The following SLFN13 variants were observed in gnomAD, a reference collection of about 807,000 sequenced individuals.
SLFN13 encodes schlafen-13.
SLFN13 carries 43 observed loss-of-function variants against 50.6 expected under a neutral mutation model. The ratio of observed to expected loss-of-function variants is 0.85; its 90% confidence interval spans 0.67 to 1.09. The LOEUF is 1.09. SLFN13 is among the 50% of genes least tolerant of loss of function. The probability of loss-of-function intolerance (pLI) is 0.00; values close to 1 mark genes in which losing one functional copy is unlikely to be tolerated. For synonymous variants in SLFN13, 339 were observed against 386.5 expected (o/e 0.88, Z 1.44); for missense variants, 881 against 1,071.1 (o/e 0.82, Z 2.48).
At position 35,445,483 on chromosome 17, in the gene SLFN13, G is replaced by C. The variant is rs755787824; in HGVS notation, c.198C>G (p.Ala66=). ...SGGGVIQMEM[A]NRDERPTEMG... Reference sequence around the variant, plus strand: ...TCTCTGTGGGACGCTCATCCCTGTTGGCCATTTCCATCTGAATCACTCCTC... The same window carrying C: ...TCTCTGTGGGACGCTCATCCCTGTTCGCCATTTCCATCTGAATCACTCCTC... The change falls in exon 3 of 6, where the codon GCC becomes GCG. Residue 66 remains alanine (A), a synonymous_variant. Transcript: ENST00000285013. The C allele has an allele frequency of 6.2e-7, 1 of 1,614,102 alleles. No homozygotes were observed. Among genetic ancestry groups the C allele is most frequent in the South Asian group, 1.1e-5 (1 of 91,078 alleles).
chr17:35,446,145 A>C (rs1913205055), intron 2 of SLFN13: 1 of 153,210 alleles, frequency 6.5e-6, no homozygotes, highest in Non-Finnish European at 1.5e-5. Context: ...GAAGATAAGT[A>C]AAAGAAGACC....
Position 35,441,086 on chromosome 17 carries a change from C to T in SLFN13, c.2203G>A (p.Asp735Asn), listed in dbSNP as rs1165467177. 2 of 1,613,914 alleles carry T rather than the reference C, an allele frequency of 1.2e-6. No individual in the cohort carries two copies. Among genetic ancestry groups the T allele is most frequent in the Non-Finnish European group, 1.7e-6 (2 of 1,180,016 alleles). ...TGTTGTATGTACTCGGCTATTTCATCTGCATTGCGAACTACTCTGGTGAGC... is the reference window on the plus strand; with the variant it reads ...TGTTGTATGTACTCGGCTATTTCATTTGCATTGCGAACTACTCTGGTGAGC... ...EELTRVVRNA[D>N]EIAEYIQQEM... is the part of the protein sequence containing the mutation. Residue 735 changes from aspartate to asparagine, a missense_variant, in exon 6 of 6, where the codon GAT becomes AAT. This residue lies in a region of SLFN13 where 322 missense variants were observed against 327.4 expected (regional missense o/e 0.98). Coordinates refer to ENST00000285013, the MANE Select transcript of SLFN13 (RefSeq NM_144682.6).
chr17:35,445,342 A>G lies in SLFN13; in HGVS notation c.339T>C (p.Ser113=). 6.2e-7 allele frequency: 1 copy of G among 1,613,666 alleles called. No homozygotes were observed. The highest frequency in any genetic ancestry group is 8.5e-7 in the Non-Finnish European group (1 of 1,179,938). Residue 113 remains serine (S), a synonymous_variant, in exon 3 of 6, where the codon AGT becomes AGC. Transcript: ENST00000285013. ...RCFYIFVKSW[S]GDPFLKDGSF... ...AACCATCTTTAAGGAAAGGATCACCACTCCAAGATTTAACAAAAATATAAA... is the reference window on the plus strand; with the variant it reads ...AACCATCTTTAAGGAAAGGATCACCGCTCCAAGATTTAACAAAAATATAAA...
chr17:35,438,237 C>T lies in SLFN13; in HGVS notation c.*2358G>A, dbSNP rs1270502073. On this transcript the variant is annotated 3_prime_UTR_variant, in exon 6 of 6. Transcript: ENST00000285013. ...CCATTTAATCATTTATTTTACAGAACCTTTTTTTTCAGTTTAATGAAACAC... is the reference window on the plus strand; with the variant it reads ...CCATTTAATCATTTATTTTACAGAATCTTTTTTTTCAGTTTAATGAAACAC... The T allele has an allele frequency of 6.6e-6, 1 of 151,810 alleles. No individual in the cohort carries two copies. The highest frequency in any genetic ancestry group is 1.5e-5 in the Non-Finnish European group (1 of 67,978). 9.4% of individuals were successfully genotyped at this position (151,810 alleles called of 1,614,324 possible).
In SLFN13 at chr17:35,435,677, G is replaced by A. The variant is rs539479217; in HGVS notation, c.*4918C>T. ...AGAGTCCTTATTATGAATGGATGTT[G>A]AACTTTATCAAAAGCTTTTTCCTCT... On this transcript the variant is annotated 3_prime_UTR_variant, in exon 6 of 6. Coordinates refer to ENST00000285013, the MANE Select transcript of SLFN13 (RefSeq NM_144682.6). 5.3e-5 allele frequency: 8 copies of A among 152,060 alleles called. No homozygotes were observed. Among genetic ancestry groups the A allele is most frequent in the Non-Finnish European group, 1.2e-4 (8 of 68,002 alleles). The allele number at this position is 152,060 out of a possible 1,614,324, so 9.4% of individuals were successfully genotyped here. A position where few individuals can be genotyped will look rare whatever the true frequency, so the allele number is the denominator to read the frequency against.
upstream of SLFN13, among the ~76,000 whole-genome samples, chr17:35,449,587 C>T (rs530440758): frequency 6.6e-6 from 1 of 152,338 alleles, no homozygotes; most frequent in South Asian, 2.1e-4. Flanking sequence ...TTTGTGGCTC[C>T]GCAGACCCCG....
At chr17:35,448,998 A>C (rs989676194), upstream of SLFN13, among the ~76,000 whole-genome samples, 54 of 152,040 alleles carry the variant, frequency 3.6e-4, 1 homozygote, top group Non-Finnish European at 5.6e-4. Flanking sequence ...CGCTTGAGCC[A>C]AGAAGTTCGA....
At position 35,447,661 on chromosome 17, in the gene SLFN13, T is replaced by C. The variant is rs141335992; in HGVS notation, c.-160-247A>G. Among the ~76,000 whole-genome samples, 520 of 152,284 alleles carry C rather than the reference T, an allele frequency of 3.4e-3. 7 individuals are homozygous for C. In the East Asian group the frequency reaches 0.047, roughly 14 times the overall value. On this transcript the variant is annotated intron_variant, in intron 1 of 5. Transcript: ENST00000285013. ...CTGAGGAAAACTGGTGGGGACTGGC[T>C]AGTCTCAGGCAGAAACAGAAGGAAA...
In SLFN13 at chr17:35,441,118, C is replaced by T; in HGVS notation, c.2171G>A (p.Arg724Lys). The change falls in exon 6 of 6, where the codon AGA becomes AAA. Residue 724 changes from arginine (R) to lysine (K), a missense_variant. Transcript: ENST00000285013. ...GLPPLSAQYP[R>K]EELTRVVRNA... Reference sequence around the variant, plus strand: ...GCGAACTACTCTGGTGAGCTCTTCTCTTGGATACTGTGCTGAGAGAGGGGG... The same window carrying T: ...GCGAACTACTCTGGTGAGCTCTTCTTTTGGATACTGTGCTGAGAGAGGGGG... 1 of 1,614,074 alleles carries T rather than the reference C, an allele frequency of 6.2e-7. No individual in the cohort carries two copies. The highest frequency in any genetic ancestry group is 8.5e-7 in the Non-Finnish European group (1 of 1,180,008).
At chr17:35,449,044 T>TACTACAACA (rs143187398), upstream of SLFN13, among the ~76,000 whole-genome samples, 6 of 148,288 alleles carry the variant, frequency 4.0e-5, no homozygotes, top group East Asian at 4.2e-4. Context: ...CCCCCGTCTG[T>TACTACAACA]ACAACAACAA....
rs995537343 is a variant in SLFN13 at position 35,437,529 on chromosome 17, C to A, written c.*3066G>T. The A allele has an allele frequency of 6.6e-6, 1 of 152,056 alleles. No homozygotes were observed. Among genetic ancestry groups the A allele is most frequent in the African/African-American group, 2.4e-5 (1 of 41,408 alleles). The allele number at this position is 152,056 out of a possible 1,614,324, so 9.4% of individuals were successfully genotyped here. A position where few individuals can be genotyped will look rare whatever the true frequency, so the allele number is the denominator to read the frequency against. On this transcript the variant is annotated 3_prime_UTR_variant, in exon 6 of 6. Transcript: ENST00000285013. ...TAGGGCCAGGTGTTGACTGTTAATTCGTGAAACAAAAGATGTGACCGCTTT... is the reference window on the plus strand; with the variant it reads ...TAGGGCCAGGTGTTGACTGTTAATTAGTGAAACAAAAGATGTGACCGCTTT...
Position 35,442,048 on chromosome 17 carries a change from C to T in SLFN13, c.1437G>A (p.Gln479=), listed in dbSNP as rs2946679. The part of the protein sequence containing the change: ...TPILYTILRE[Q]DAEGQDYCTR... ...TGCAGTAGTCCTGGCCCTCTGCATC[C>T]TGCTCCCTGAGAATGGTGTAGAGAA... Residue 479 remains glutamine (Q), a synonymous_variant, in exon 5 of 6, where the codon CAG becomes CAA. Transcript: ENST00000285013. 1 of 1,614,190 alleles carries T rather than the reference C, an allele frequency of 6.2e-7. No individual in the cohort carries two copies. The highest frequency in any genetic ancestry group is 1.3e-5 in the African/African-American group (1 of 74,968).
rs1913362519 is a variant in SLFN13 at position 35,448,766 on chromosome 17, C to T, written c.-205G>A. ...CAAGCTCCAGGACACTCCGCGTTTC[C>T]CTGGAGGCGCCAAGGTCAGGTTCTT... is the stretch of plus-strand genomic sequence containing the variant. On this transcript the variant is annotated 5_prime_UTR_variant, in exon 1 of 6. Coordinates refer to ENST00000285013, the MANE Select transcript of SLFN13 (RefSeq NM_144682.6). 1 of 152,306 alleles carries T rather than the reference C, an allele frequency of 6.6e-6. No homozygotes were observed. Among genetic ancestry groups the T allele is most frequent in the Admixed American group, 6.5e-5 (1 of 15,288 alleles). 9.4% of individuals were successfully genotyped at this position (152,306 alleles called of 1,614,324 possible).
upstream of SLFN13, among the ~76,000 whole-genome samples, chr17:35,449,057 A>G (rs1316357802): frequency 2.6e-5 from 4 of 151,356 alleles, no homozygotes; most frequent in Non-Finnish European, 2.9e-5. Context: ...AACAACAACA[A>G]CAACAACAAC....
In SLFN13 at chr17:35,439,743, C is replaced by G. The variant is rs1912759139; in HGVS notation, c.*852G>C. ...CCACCTGCCTCAGCCTCCCAAACAGCTGGGATTACAGGTGTGAGCCACCGT... is the reference window on the plus strand; with the variant it reads ...CCACCTGCCTCAGCCTCCCAAACAGGTGGGATTACAGGTGTGAGCCACCGT... On this transcript the variant is annotated 3_prime_UTR_variant, in exon 6 of 6. Transcript: ENST00000285013. 1 of 152,180 alleles carries G rather than the reference C, an allele frequency of 6.6e-6. No individual in the cohort carries two copies. Among genetic ancestry groups the G allele is most frequent in the Non-Finnish European group, 1.5e-5 (1 of 68,064 alleles). 9.4% of individuals were successfully genotyped at this position (152,180 alleles called of 1,614,324 possible).
At position 35,435,128 on chromosome 17, in the gene SLFN13, A is replaced by G. The variant is rs1164694949; in HGVS notation, c.*5467T>C. ...TAAATTATGTTTTTATTAACTATTG[A>G]GTAGAAACAATATTTATAGAATACA... is the stretch of plus-strand genomic sequence containing the variant. On this transcript the variant is annotated 3_prime_UTR_variant, in exon 6 of 6. Coordinates refer to ENST00000285013, the MANE Select transcript of SLFN13 (RefSeq NM_144682.6). 1 of 152,134 alleles carries G rather than the reference A, an allele frequency of 6.6e-6. No homozygotes were observed. The highest frequency in any genetic ancestry group is 1.5e-5 in the Non-Finnish European group (1 of 68,030). 9.4% of individuals were successfully genotyped at this position (152,134 alleles called of 1,614,324 possible).
chr17:35,444,973 T>G lies in SLFN13; in HGVS notation c.708A>C (p.Ala236=), dbSNP rs116624335. ...VENIIPEYIS[A]FANTEGGYLF... Reference sequence around the variant, plus strand: ...GATAGCCTCCCTCAGTGTTTGCAAATGCAGAGATGTACTCTGGAATTATAT... The same window carrying G: ...GATAGCCTCCCTCAGTGTTTGCAAAGGCAGAGATGTACTCTGGAATTATAT... The change falls in exon 3 of 6, where the codon GCA becomes GCC. Residue 236 remains alanine (A), a synonymous_variant. Transcript: ENST00000285013. 2 of 1,614,044 alleles carry G rather than the reference T, an allele frequency of 1.2e-6. No homozygotes were observed. The highest frequency in any genetic ancestry group is 2.7e-5 in the African/African-American group (2 of 74,916).
At chr17:35,446,430 T>C (rs1485610354) in intron 2 of SLFN13, among the ~76,000 whole-genome samples, 2 of 152,198 alleles carry the variant, frequency 1.3e-5, no homozygotes, top group African/African-American at 4.8e-5. Context: ...GCTAAGGTCT[T>C]GGAGAACAGA....
chr17:35,442,141 G>A lies in SLFN13; in HGVS notation c.1344C>T (p.Asp448=). The A allele has an allele frequency of 6.2e-7, 1 of 1,614,204 alleles. No individual in the cohort carries two copies. Among genetic ancestry groups the A allele is most frequent in the Non-Finnish European group, 8.5e-7 (1 of 1,180,030 alleles). ...IVILSRSWAV[D]LNLQEKPGVI... ...CTCCTGGCTTCTCCTGCAAGTTCAG[G>A]TCCACAGCCCAGCTTCTAGAGAGGA... The change falls in exon 5 of 6, where the codon GAC becomes GAT. Residue 448 remains aspartate (D), a synonymous_variant. Coordinates refer to ENST00000285013, the MANE Select transcript of SLFN13 (RefSeq NM_144682.6).
Sources: gnomAD v4.1 joint callset for allele counts (sites outside exome capture counted in the v4.1 genomes callset) on GRCh38, gnomAD v4.1.1 for gene constraint, gnomAD v4.1.1 regional missense constraint, MANE v1.5 for transcripts, NCBI Gene and HGNC (gene_info 2026-07-23, HGNC 2026-07-21) for gene names.